The following STRAP variants were observed in gnomAD, a reference collection of about 807,000 sequenced individuals.
The protein encoded by STRAP is serine-threonine kinase receptor-associated protein.
Under a neutral mutation model 47.0 loss-of-function variants are expected in STRAP, and 16 were observed. The observed-to-expected ratio is 0.34, with a 90% CI of 0.23 to 0.52. STRAP has a LOEUF of 0.52. Ranked by LOEUF, STRAP falls within the 20% of genes least tolerant of loss-of-function variation. The pLI is 0.96. For missense variants in STRAP, 293 were observed against 420.0 expected (o/e 0.70, Z 2.64); for synonymous variants, 130 against 142.7 (o/e 0.91, Z 0.63).
chr12:15,899,776 G>A (rs550421795), intron 7 of STRAP, 128 bp from the exon 8 acceptor site: 1 of 831,090 alleles, frequency 1.2e-6, no homozygotes. Flanking sequence ...AATTAATTAA[G>A]TACAGGTTTT....
chr12:15,898,175 G>A (rs979383367), intron 7 of STRAP, 157 bp downstream of exon 7: 1 of 550,594 alleles, frequency 1.8e-6, no homozygotes, highest in Non-Finnish European at 2.8e-6. Flanking sequence ...AAAAGTAAAG[G>A]AGTTTTAACC....
chr12:15,883,065 T>G, intron 1 of STRAP: 2 of 1,535,652 alleles, frequency 1.3e-6, no homozygotes, highest in Non-Finnish European at 1.7e-6. Context: ...TATTTTATTT[T>G]TATTGCTATT....
intron 1 of STRAP, chr12:15,883,182 C>G: frequency 6.7e-7 from 1 of 1,491,188 alleles, no homozygotes. Context: ...CAATACCTTA[C>G]AAAGACGTTC....
chr12:15,900,580 A>G (rs1299834891), intron 8 of STRAP, among the ~76,000 whole-genome samples: 5 of 152,174 alleles, frequency 3.3e-5, no homozygotes, highest in Non-Finnish European at 7.3e-5. Context: ...TTTTTATACT[A>G]GCACATTTTG....
chr12:15,888,336 A>G (rs1947987823), intron 2 of STRAP, among the ~76,000 whole-genome samples: 1 of 152,220 alleles, frequency 6.6e-6, no homozygotes. Flanking sequence ...CAGAGAAACA[A>G]TACAAAATGA....
At chr12:15,901,187 A>T (rs977587606) in intron 9 of STRAP, among the ~76,000 whole-genome samples, 175 bp downstream of exon 9, 1 of 152,228 alleles carries the variant, frequency 6.6e-6, no homozygotes, top group African/African-American at 2.4e-5. Flanking sequence ...ATATTTAAAT[A>T]CCTACTGCAT....
At chr12:15,901,901 G>A (rs991257118) in intron 9 of STRAP, among the ~76,000 whole-genome samples, 1 of 150,282 alleles carries the variant, frequency 6.7e-6, no homozygotes, top group Non-Finnish European at 1.5e-5. Flanking sequence ...GCTGTTGCAC[G>A]TACAAAGAAT....
intron 8 of STRAP, among the ~76,000 whole-genome samples, chr12:15,900,633 T>C (rs1476044267): frequency 1.3e-5 from 2 of 152,152 alleles, no homozygotes; most frequent in Non-Finnish European, 2.9e-5. Flanking sequence ...GAAGGCAATA[T>C]AAAGAATTTA....
intron 6 of STRAP, 82 bp from the exon 7 acceptor site, chr12:15,897,800 C>T: frequency 6.5e-6 from 6 of 923,406 alleles, no homozygotes; most frequent in South Asian, 3.3e-5. Flanking sequence ...CCTTGGGTTT[C>T]AGAATTTAAG....
chr12:15,884,536 T>C (rs1947952663), intron 2 of STRAP, among the ~76,000 whole-genome samples: 1 of 151,334 alleles, frequency 6.6e-6, no homozygotes, highest in South Asian at 2.1e-4. Context: ...TTTTACTATA[T>C]ATTTATATTT....
At position 15,882,718 on chromosome 12, in the gene STRAP, G is replaced by C; in HGVS notation, c.11G>C (p.Arg4Thr). The change falls in exon 1 of 10, where the codon AGA becomes ACA. Residue 4 changes from arginine to threonine, a missense_variant. Physicochemically the swap from Arg to Thr is moderately conservative, Grantham distance 71. This residue lies in a region of STRAP where 31 missense variants were observed against 39.2 expected (regional missense o/e 0.79). Transcript: ENST00000419869. The part of the protein sequence containing the change: MAM[R>T]QTPLTCSGHT... ...GGCTTCGCCGCCGCCATGGCAATGA[G>C]ACAGACGCCGCTCACCTGCTCTGGC... The C allele has an allele frequency of 6.2e-7, 1 of 1,611,230 alleles. No homozygotes were observed. Among genetic ancestry groups the C allele is most frequent in the Non-Finnish European group, 8.5e-7 (1 of 1,179,480 alleles).
At position 15,887,766 on chromosome 12, in the gene STRAP, A is replaced by C. The variant is rs1401266966; in HGVS notation, c.249-2162A>C. On this transcript the variant is annotated intron_variant, in intron 2 of 9. Coordinates refer to ENST00000419869, the MANE Select transcript of STRAP (RefSeq NM_007178.4). The surrounding 1 kb of genome is among the most constrained non-coding windows in gnomAD (Gnocchi z 5.5). The stretch of plus-strand genomic sequence containing the variant: ...TAGCCTGTAGCTACTTAGGAGGCTG[A>C]GGTGGAAGGATCTTGAGGCCAGGAG... Among the ~76,000 whole-genome samples the C allele has an allele frequency of 1.3e-5, 2 of 152,080 alleles. No individual in the cohort carries two copies. Among genetic ancestry groups the C allele is most frequent in the Admixed American group, 1.3e-4 (2 of 15,262 alleles).
chr12:15,888,122 A>G (rs1331161034), intron 2 of STRAP, among the ~76,000 whole-genome samples: 3 of 152,220 alleles, frequency 2.0e-5, no homozygotes, highest in Non-Finnish European at 4.4e-5. Flanking sequence ...GAGAACAGAA[A>G]GGAATGGTTA....
At chr12:15,889,838 A>G (rs959647080) in intron 2 of STRAP, 90 bp from the exon 3 acceptor site, 3 of 1,002,070 alleles carry the variant, frequency 3.0e-6, no homozygotes, top group Non-Finnish European at 4.6e-6. Flanking sequence ...TATCTAACTT[A>G]TTTGGTACTC....
Position 15,896,572 on chromosome 12 carries a change from G to T in STRAP, c.638+1076G>T, listed in dbSNP as rs939581460. 6.6e-5 allele frequency among the ~76,000 whole-genome samples: 10 copies of T among 151,704 alleles called. No individual in the cohort carries two copies. Among genetic ancestry groups the T allele is most frequent in the African/African-American group, 2.4e-4 (10 of 41,370 alleles). On this transcript the variant is annotated intron_variant, in intron 6 of 9. Coordinates refer to ENST00000419869, the MANE Select transcript of STRAP (RefSeq NM_007178.4). This position sits in a 1 kb window ranked among gnomAD's most constrained non-coding sequence, Gnocchi z 4.1. ...TTTTTTTAATTACTAGGACCATAAT[G>T]AATACCATTTTGATTTGTTTAAAAA...
chr12:15,901,950 G>A (rs73057110), intron 9 of STRAP, among the ~76,000 whole-genome samples: 218 of 151,716 alleles, frequency 1.4e-3, no homozygotes, highest in East Asian at 8.3e-3. Context: ...CAGTTAGGGG[G>A]CATTGTAGTC....
intron 2 of STRAP, among the ~76,000 whole-genome samples, 184 bp downstream of exon 2, chr12:15,883,860 T>C (rs1947944628): frequency 6.6e-6 from 1 of 152,242 alleles, no homozygotes; most frequent in Non-Finnish European, 1.5e-5. Flanking sequence ...TTGTCTTCAG[T>C]GGTTCTCAAA....
chr12:15,903,171 A>G lies in STRAP; in HGVS notation c.*193A>G, dbSNP rs1195494472. On this transcript the variant is annotated 3_prime_UTR_variant, in exon 10 of 10. Coordinates refer to ENST00000419869, the MANE Select transcript of STRAP (RefSeq NM_007178.4). ...AAGTGAAAACTCAAGTGTCAGATGA[A>G]GGGAGGTGGAGTTATCCTCTTATAG... is the stretch of plus-strand genomic sequence containing the variant. The G allele has an allele frequency of 3.1e-5, 15 of 479,972 alleles. No individual in the cohort carries two copies. In the East Asian group the frequency reaches 4.8e-4, roughly 15 times the overall value. 29.7% of individuals were successfully genotyped at this position (479,972 alleles called of 1,614,324 possible).
Position 15,892,242 on chromosome 12 carries a change from G to A in STRAP, c.403+1573G>A, listed in dbSNP as rs1030383250. The stretch of plus-strand genomic sequence containing the variant: ...ATGTTTTTCTTACTGGTTTTTAAAG[G>A]TTCTTTATTGAATTCTAATTTATCA... On this transcript the variant is annotated intron_variant, in intron 4 of 9. Transcript: ENST00000419869. Among the ~76,000 whole-genome samples, 3 of 152,010 alleles carry A rather than the reference G, an allele frequency of 2.0e-5. No individual in the cohort carries two copies. The South Asian group carries it at 6.2e-4, about 31-fold the overall frequency.
Sources: gnomAD v4.1 joint callset for allele counts (sites outside exome capture counted in the v4.1 genomes callset) on GRCh38, gnomAD v4.1.1 for gene constraint, gnomAD v4.1.1 regional missense constraint, Gnocchi (gnomAD v3.1) non-coding constraint, MANE v1.5 for transcripts, NCBI Gene and HGNC (gene_info 2026-07-23, HGNC 2026-07-21) for gene names.